The following CCDC190 variants were observed in gnomAD, a reference collection of about 807,000 sequenced individuals.
CCDC190 encodes the protein coiled-coil domain-containing protein 190.
CCDC190 carries 10 observed loss-of-function variants against 13.1 expected under a neutral mutation model. The observed-to-expected ratio is 0.77, with a 90% CI of 0.47 to 1.30. The LOEUF is 1.30. Ranked by LOEUF, CCDC190 falls within the 50% of genes most tolerant of loss-of-function variation. The pLI, the probability that CCDC190 is intolerant of heterozygous loss-of-function variation, is 0.00. For synonymous variants in CCDC190, 136 were observed against 127.2 expected (o/e 1.07, Z -0.47); for missense variants, 375 against 354.3 (o/e 1.06, Z -0.47).
chr1:162,863,944 G>A (rs189940462), upstream of CCDC190, among the ~76,000 whole-genome samples: 101 of 151,690 alleles, frequency 6.7e-4, no homozygotes, highest in East Asian at 0.018. Flanking sequence ...ATTTGAACCC[G>A]GGAGGTGGAG....
At position 162,855,319 on chromosome 1, in the gene CCDC190, T is replaced by C; in HGVS notation, c.352A>G (p.Lys118Glu). The change falls in exon 4 of 4, where the codon AAG becomes GAG. Residue 118 changes from lysine (K) to glutamate (E), a missense_variant. Physicochemically the swap from Lys to Glu is moderately conservative, Grantham distance 56. Coordinates refer to ENST00000367912, the MANE Select transcript of CCDC190 (RefSeq NM_001394065.1). ...TRMAQDTCKS[K>E]SQVPPSHDAG... Reference sequence around the variant, plus strand: ...TCATGTGAAGGAGGCACCTGGGACTTGCTTTTGCATGTGTCTTGGGCCATA... The same window carrying C: ...TCATGTGAAGGAGGCACCTGGGACTCGCTTTTGCATGTGTCTTGGGCCATA... The C allele has an allele frequency of 6.2e-7, 1 of 1,612,556 alleles. No homozygotes were observed. Among genetic ancestry groups the C allele is most frequent in the Non-Finnish European group, 8.5e-7 (1 of 1,179,820 alleles).
rs546825294 is a variant in CCDC190 at position 162,859,392 on chromosome 1, C to A, written c.187+68G>T. ...ACTCAGAGCTCTGAAAGGGCCTCAG[C>A]GGAGTGATGGGCCTGCTGCCCTGCT... On this transcript the variant is annotated intron_variant, in intron 2 of 3. Transcript: ENST00000367912. 16 of 1,418,160 alleles carry A rather than the reference C, an allele frequency of 1.1e-5. No homozygotes were observed. In the South Asian group the frequency reaches 1.8e-4, roughly 16 times the overall value. 87.8% of individuals were successfully genotyped at this position (1,418,160 alleles called of 1,614,324 possible). A position where few individuals can be genotyped will look rare whatever the true frequency, so the allele number is the denominator to read the frequency against.
At chr1:162,865,325 G>T (rs1510320), upstream of CCDC190, among the ~76,000 whole-genome samples, 122,690 of 152,058 alleles carry the variant, frequency 0.81, 51,748 homozygotes, top group Non-Finnish European at 0.94. Context: ...CAATAAGTTA[G>T]TGAAAAAGTG....
chr1:162,859,353 C>G, intron 2 of CCDC190, 107 bp downstream of exon 2: 1 of 1,012,406 alleles, frequency 9.9e-7, no homozygotes, highest in Non-Finnish European at 1.4e-6. Flanking sequence ...ATCAAAAGCT[C>G]TTGCTGTCTT....
chr1:162,853,085 A>C lies in CCDC190; in HGVS notation c.*1680T>G. On this transcript the variant is annotated 3_prime_UTR_variant, in exon 4 of 4. Transcript: ENST00000367912. ...CTCTGTTGCTTTGCTTCATGGAAGA[A>C]AGTGTTGGAGGAAGCAGATTTCTTG... 1 of 1,539,648 alleles carries C rather than the reference A, an allele frequency of 6.5e-7. No homozygotes were observed. The highest frequency in any genetic ancestry group is 8.8e-7 in the Non-Finnish European group (1 of 1,137,052).
At chr1:162,856,576 T>C (rs1394226620) in intron 2 of CCDC190, among the ~76,000 whole-genome samples, 2 of 152,208 alleles carry the variant, frequency 1.3e-5, no homozygotes, top group East Asian at 3.8e-4. Context: ...CTTGCAGTCA[T>C]AGCTGCTATG....
In CCDC190 at chr1:162,855,691, A is replaced by G. The variant is rs1415612517; in HGVS notation, c.252T>C (p.Val84=). 2.5e-6 allele frequency: 4 copies of G among 1,613,746 alleles called. No homozygotes were observed. The highest frequency in any genetic ancestry group is 3.4e-6 in the Non-Finnish European group (4 of 1,179,724). The part of the protein sequence containing the change: ...GNGFQKRPED[V]LVFSPQGRQK... ...GCCTTCCCTGTGGTGAGAACACGAG[A>G]ACATCTTCTGGTCTCTTCTGAAATC... is the stretch of plus-strand genomic sequence containing the variant. The change falls in exon 3 of 4, where the codon GTT becomes GTC. Residue 84 remains valine, a synonymous_variant. Coordinates refer to ENST00000367912, the MANE Select transcript of CCDC190 (RefSeq NM_001394065.1).
In CCDC190 at chr1:162,855,223, T is replaced by C. The variant is rs1650257907; in HGVS notation, c.448A>G (p.Ile150Val). The C allele has an allele frequency of 6.2e-7, 1 of 1,613,912 alleles. No individual in the cohort carries two copies. The highest frequency in any genetic ancestry group is 8.5e-7 in the Non-Finnish European group (1 of 1,179,900). The change falls in exon 4 of 4, where the codon ATA becomes GTA. Residue 150 changes from isoleucine (I) to valine (V), a missense_variant. Coordinates refer to ENST00000367912, the MANE Select transcript of CCDC190 (RefSeq NM_001394065.1). Reference protein sequence around the residue: ...LSQNNRTACFIKEQPQAQEKD... With the variant: ...LSQNNRTACFVKEQPQAQEKD... ...TCTTGGGCTTGTGGTTGCTCTTTTA[T>C]GAAGCAGGCAGTTCTGTTATTTTGA...
At chr1:162,857,181 C>T (rs1172279890) in intron 2 of CCDC190, among the ~76,000 whole-genome samples, 2 of 152,148 alleles carry the variant, frequency 1.3e-5, no homozygotes, top group South Asian at 4.1e-4. Flanking sequence ...TTCTAAATAT[C>T]TTGAGATGCT....
chr1:162,852,669 A>T lies in CCDC190; in HGVS notation c.*2096T>A, dbSNP rs1558109172. The T allele has an allele frequency of 6.3e-6, 1 of 157,482 alleles. No homozygotes were observed. Among genetic ancestry groups the T allele is most frequent in the Non-Finnish European group, 1.4e-5 (1 of 71,482 alleles). The allele number at this position is 157,482 out of a possible 1,614,324, so 9.8% of individuals were successfully genotyped here. ...CTGGGTCTGTCAGATGTATATGAAGACACAAGCAAGATAGCAAGGAGGAAC... is the reference window on the plus strand; with the variant it reads ...CTGGGTCTGTCAGATGTATATGAAGTCACAAGCAAGATAGCAAGGAGGAAC... On this transcript the variant is annotated 3_prime_UTR_variant, in exon 4 of 4. Coordinates refer to ENST00000367912, the MANE Select transcript of CCDC190 (RefSeq NM_001394065.1).
At position 162,853,711 on chromosome 1, in the gene CCDC190, C is replaced by T. The variant is rs1650186843; in HGVS notation, c.*1054G>A. On this transcript the variant is annotated 3_prime_UTR_variant, in exon 4 of 4. Transcript: ENST00000367912. ...GATGAAATAGGCCCTCAAGTTTATT[C>T]TTCTGGAATTAAAGTTTGTTATTGG... is the stretch of plus-strand genomic sequence containing the variant. Among the ~76,000 whole-genome samples, 5 of 152,044 alleles carry T rather than the reference C, an allele frequency of 3.3e-5. No homozygotes were observed. The highest frequency in any genetic ancestry group is 3.3e-4 in the Admixed American group (5 of 15,266).
chr1:162,855,541 C>G, intron 3 of CCDC190, 91 bp downstream of exon 3: 1 of 1,551,034 alleles, frequency 6.4e-7, no homozygotes, highest in Non-Finnish European at 8.7e-7. Context: ...AGAAGTGGAA[C>G]GGAGCATTTC....
In CCDC190 at chr1:162,860,256, A is replaced by C. The variant is rs1650458407; in HGVS notation, c.-12-598T>G. Among the ~76,000 whole-genome samples, 4 of 152,178 alleles carry C rather than the reference A, an allele frequency of 2.6e-5. No individual in the cohort carries two copies. In the South Asian group the frequency reaches 8.3e-4, roughly 32 times the overall value. The stretch of plus-strand genomic sequence containing the variant: ...AAGGGGCTTTCTCGAAAAGTGGAAG[A>C]TTGGGGTATCCTGATTATAAAGTAG... On this transcript the variant is annotated intron_variant, in intron 1 of 3. Coordinates refer to ENST00000367912, the MANE Select transcript of CCDC190 (RefSeq NM_001394065.1).
rs770770533 is a variant in CCDC190 at position 162,854,626 on chromosome 1, A to G, written c.*139T>C. ...CATTCAAGAAATATTATATTCCCGG[A>G]AAATAATAGGGAGTTTAAAATAAAA... is the stretch of plus-strand genomic sequence containing the variant. On this transcript the variant is annotated 3_prime_UTR_variant, in exon 4 of 4. Coordinates refer to ENST00000367912, the MANE Select transcript of CCDC190 (RefSeq NM_001394065.1). The G allele has an allele frequency of 5.9e-5, 83 of 1,400,178 alleles. No homozygotes were observed. Among genetic ancestry groups the G allele is most frequent in the Non-Finnish European group, 7.4e-5 (80 of 1,078,942 alleles). 86.7% of individuals were successfully genotyped at this position (1,400,178 alleles called of 1,614,324 possible). A position where few individuals can be genotyped will look rare whatever the true frequency, so the allele number is the denominator to read the frequency against.
chr1:162,863,594 G>T (rs1405164660), upstream of CCDC190, among the ~76,000 whole-genome samples: 2 of 152,182 alleles, frequency 1.3e-5, no homozygotes, highest in African/African-American at 4.8e-5. Flanking sequence ...ACAGCTTACT[G>T]TCTGGAAAGG....
At position 162,854,655 on chromosome 1, in the gene CCDC190, TA is replaced by T. The variant is rs2102257890; in HGVS notation, c.*109del. On this transcript the variant is annotated 3_prime_UTR_variant, in exon 4 of 4. Transcript: ENST00000367912. The stretch of plus-strand genomic sequence containing the variant: ...TAATAGGGAGTTTAAAATAAAATTG[TA>T]ATTCAATTATGTTTGTTTGTTTTTC... 1 of 1,434,258 alleles carries T rather than the reference TA, an allele frequency of 7.0e-7. No individual in the cohort carries two copies. Among genetic ancestry groups the T allele is most frequent in the Non-Finnish European group, 9.1e-7 (1 of 1,095,742 alleles). The allele number at this position is 1,434,258 out of a possible 1,614,324, so 88.8% of individuals were successfully genotyped here. A position where few individuals can be genotyped will look rare whatever the true frequency, so the allele number is the denominator to read the frequency against.
At chr1:162,863,301 T>C (rs2102264791), upstream of CCDC190, among the ~76,000 whole-genome samples, 1 of 152,348 alleles carries the variant, frequency 6.6e-6, no homozygotes, top group South Asian at 2.1e-4. Context: ...TCCCTTGGTT[T>C]CCTTATTTGT....
In CCDC190 at chr1:162,859,384, G is replaced by A. The variant is rs775997645; in HGVS notation, c.187+76C>T. The A allele has an allele frequency of 2.2e-5, 29 of 1,331,814 alleles. 1 individual carries two copies. In the South Asian group the frequency reaches 3.3e-4, roughly 15 times the overall value. The allele number at this position is 1,331,814 out of a possible 1,614,324, so 82.5% of individuals were successfully genotyped here. On this transcript the variant is annotated intron_variant, in intron 2 of 3. Coordinates refer to ENST00000367912, the MANE Select transcript of CCDC190 (RefSeq NM_001394065.1). ...GTCTTGGCACTCAGAGCTCTGAAAGGGCCTCAGCGGAGTGATGGGCCTGCT... is the reference window on the plus strand; with the variant it reads ...GTCTTGGCACTCAGAGCTCTGAAAGAGCCTCAGCGGAGTGATGGGCCTGCT...
chr1:162,861,437 ATT>A (rs112152644), upstream of CCDC190, among the ~76,000 whole-genome samples: 26,387 of 142,526 alleles, frequency 0.19, 2,329 homozygotes, highest in Middle Eastern at 0.22. Context: ...GTTTCTCTCC[ATT>A]TTTTTTTTTT....
Sources: gnomAD v4.1 joint callset for allele counts (sites outside exome capture counted in the v4.1 genomes callset) on GRCh38, gnomAD v4.1.1 for gene constraint, MANE v1.5 for transcripts, NCBI Gene and HGNC (gene_info 2026-07-23, HGNC 2026-07-21) for gene names.